The following MLLT1 variants were observed in gnomAD, a reference collection of about 807,000 sequenced individuals.
MLLT1 encodes the protein MLLT1 super elongation complex subunit, also known as protein ENL.
A neutral mutation model predicts 55.1 loss-of-function variants in MLLT1; 11 were observed. That is an observed-to-expected ratio of 0.20 (90% CI 0.13 to 0.33). MLLT1 has a LOEUF of 0.33. MLLT1 is among the 10% of genes least tolerant of loss of function. MLLT1 has a pLI of 1.00. For missense variants in MLLT1, 536 were observed against 760.6 expected (o/e 0.70, Z 3.47); for synonymous variants, 323 against 320.1 (o/e 1.01, Z -0.10).
chr19:6,244,121 G>A (rs1047845475), intron 3 of MLLT1, among the ~76,000 whole-genome samples: 11 of 149,060 alleles, frequency 7.4e-5, no homozygotes, highest in African/African-American at 1.2e-4. Flanking sequence ...CTGGGTCCCC[G>A]TGACACACTC....
Position 6,262,081 on chromosome 19 carries a change from T to C in MLLT1, c.276+147A>G. 1 of 649,670 alleles carries C rather than the reference T, an allele frequency of 1.5e-6. No individual in the cohort carries two copies. Among genetic ancestry groups the C allele is most frequent in the Non-Finnish European group, 2.7e-6 (1 of 364,214 alleles). 40.2% of individuals were successfully genotyped at this position (649,670 alleles called of 1,614,324 possible). ...CCCCCGACGTCCCCAGGAATGGAGA[T>C]GGTGACCAGCACCCCCCGCAGCACT... On this transcript the variant is annotated intron_variant, in intron 3 of 11. Transcript: ENST00000252674. This position sits in a 1 kb window ranked among gnomAD's most constrained non-coding sequence, Gnocchi z 4.4.
chr19:6,266,581 C>T (rs751967402), intron 2 of MLLT1, among the ~76,000 whole-genome samples: 14 of 152,220 alleles, frequency 9.2e-5, no homozygotes, highest in Non-Finnish European at 1.3e-4. Flanking sequence ...CTCGGCCTCC[C>T]GAGTAGCTGG....
rs371122410 is a variant in MLLT1 at position 6,216,470 on chromosome 19, G to T, written c.1242C>A (p.Ser414=). ...SMVEDLQSEE[S]DEDDSSSGEE... Reference sequence around the variant, plus strand: ...CGCCTGACGAAGAGTCGTCCTCGTCGGACTCCTCGGACTGCAGGTCCTCCA... The same window carrying T: ...CGCCTGACGAAGAGTCGTCCTCGTCTGACTCCTCGGACTGCAGGTCCTCCA... Residue 414 remains serine (S), a synonymous_variant, in exon 8 of 12, where the codon TCC becomes TCA. Transcript: ENST00000252674. 7 of 1,606,816 alleles carry T rather than the reference G, an allele frequency of 4.4e-6. No individual in the cohort carries two copies. The African/African-American group carries it at 9.4e-5, about 21-fold the overall frequency.
At chr19:6,247,856 G>C (rs1225134850) in intron 3 of MLLT1, among the ~76,000 whole-genome samples, 1 of 151,798 alleles carries the variant, frequency 6.6e-6, no homozygotes, top group Non-Finnish European at 1.5e-5. Flanking sequence ...CAGAGTTTCA[G>C]ATTTTGGAGC....
At chr19:6,216,326 AG>A (rs2090842942) in intron 8 of MLLT1, 78 bp downstream of exon 8, 1 of 1,053,862 alleles carries the variant, frequency 9.5e-7, no homozygotes, top group African/African-American at 1.6e-5. Flanking sequence ...CCCCACCTGC[AG>A]CCCCACAATC....
At chr19:6,242,177 A>G (rs1266306156) in intron 3 of MLLT1, among the ~76,000 whole-genome samples, 3 of 152,178 alleles carry the variant, frequency 2.0e-5, no homozygotes, top group Admixed American at 6.5e-5. Context: ...GGGCAGCCCA[A>G]GTGGAACCCA....
At chr19:6,223,269 A>G (rs1019273341) in intron 5 of MLLT1, among the ~76,000 whole-genome samples, 2 of 152,138 alleles carry the variant, frequency 1.3e-5, no homozygotes, top group African/African-American at 4.8e-5. Flanking sequence ...CCAACTGCTG[A>G]GCGCCCACTG....
chr19:6,229,386 C>T lies in MLLT1; in HGVS notation c.420+1184G>A, dbSNP rs1251837903. Among the ~76,000 whole-genome samples, 4 of 151,982 alleles carry T rather than the reference C, an allele frequency of 2.6e-5. No individual in the cohort carries two copies. Among genetic ancestry groups the T allele is most frequent in the African/African-American group, 4.8e-5 (2 of 41,334 alleles). ...AGACGCCTCCTTCTTCTTAGGAGAA[C>T]GACGGCCACCAAGGACCTGACCATG... is the stretch of plus-strand genomic sequence containing the variant. On this transcript the variant is annotated intron_variant, in intron 4 of 11. Coordinates refer to ENST00000252674, the MANE Select transcript of MLLT1 (RefSeq NM_005934.4). This position sits in a 1 kb window ranked among gnomAD's most constrained non-coding sequence, Gnocchi z 5.2.
intron 3 of MLLT1, among the ~76,000 whole-genome samples, chr19:6,232,580 C>T (rs2091022077): frequency 6.6e-6 from 1 of 152,198 alleles, no homozygotes; most frequent in Non-Finnish European, 1.5e-5. Context: ...AAAATTAGAT[C>T]ACGTGAACTT....
chr19:6,213,502 C>A, intron 10 of MLLT1, 94 bp from the exon 11 acceptor site: 1 of 1,208,418 alleles, frequency 8.3e-7, no homozygotes, highest in Admixed American at 1.7e-5. Flanking sequence ...TCCATCCCAG[C>A]ACAGGACAGA....
At chr19:6,239,169 C>T (rs966808305) in intron 3 of MLLT1, among the ~76,000 whole-genome samples, 3 of 152,218 alleles carry the variant, frequency 2.0e-5, no homozygotes, top group Admixed American at 1.3e-4. Context: ...TAGGCTCTCG[C>T]GTTCACCGGT....
In MLLT1 at chr19:6,226,672, G is replaced by T. The variant is rs1403051308; in HGVS notation, c.546+305C>A. 6.6e-6 allele frequency among the ~76,000 whole-genome samples: 1 copy of T among 152,164 alleles called. No homozygotes were observed. On this transcript the variant is annotated intron_variant, in intron 5 of 11. Coordinates refer to ENST00000252674, the MANE Select transcript of MLLT1 (RefSeq NM_005934.4). The surrounding 1 kb of genome is among the most constrained non-coding windows in gnomAD (Gnocchi z 6.3). ...GCCGCCCCAACAGCCTTCGGCGAAG[G>T]TCTCAGGGCTTCAGGCCGAGCAGTC...
At chr19:6,272,016 C>A (rs965894420) in intron 1 of MLLT1, among the ~76,000 whole-genome samples, 1 of 152,242 alleles carries the variant, frequency 6.6e-6, no homozygotes, top group Non-Finnish European at 1.5e-5. Flanking sequence ...CCTCCCTCTC[C>A]GTCCCCCTCT....
intron 3 of MLLT1, chr19:6,259,799 T>TAAAAAAAAAAAAAAAAAAAAAAAAA (rs60832951): frequency 1.4e-5 from 1 of 70,110 alleles, no homozygotes; most frequent in Non-Finnish European, 2.6e-5. Flanking sequence ...AAACATGACT[T>TAAAAAAAAAAAAAAAAAAAAAAAAA]AAAAAAAAAA....
At chr19:6,215,952 C>T (rs2090838913) in intron 8 of MLLT1, among the ~76,000 whole-genome samples, 1 of 152,176 alleles carries the variant, frequency 6.6e-6, no homozygotes, top group Non-Finnish European at 1.5e-5. Flanking sequence ...GCCAAAGCTG[C>T]TCCCACACTG....
intron 6 of MLLT1, among the ~76,000 whole-genome samples, chr19:6,218,955 G>C (rs2090871052): frequency 6.6e-6 from 1 of 152,132 alleles, no homozygotes; most frequent in African/African-American, 2.4e-5. Context: ...TCCCCTCCAG[G>C]GTCCTCCCTC....
In MLLT1 at chr19:6,226,678, G is replaced by A. The variant is rs2090959875; in HGVS notation, c.546+299C>T. 6.6e-6 allele frequency among the ~76,000 whole-genome samples: 1 copy of A among 152,186 alleles called. No individual in the cohort carries two copies. ...CCAACAGCCTTCGGCGAAGGTCTCA[G>A]GGCTTCAGGCCGAGCAGTCCTGGGG... is the stretch of plus-strand genomic sequence containing the variant. On this transcript the variant is annotated intron_variant, in intron 5 of 11. Transcript: ENST00000252674. The surrounding 1 kb of genome is among the most constrained non-coding windows in gnomAD (Gnocchi z 6.3).
At chr19:6,218,123 C>G (rs2090863665) in intron 6 of MLLT1, 82 bp from the exon 7 acceptor site, 1 of 1,513,288 alleles carries the variant, frequency 6.6e-7, no homozygotes, top group Non-Finnish European at 8.9e-7. Context: ...GGCCCCCTGG[C>G]AGCAGCTACG....
rs2090960416 is a variant in MLLT1, at chr19:6,226,752, C to T, written c.546+225G>A. Among the ~76,000 whole-genome samples, 1 of 152,094 alleles carries T rather than the reference C, an allele frequency of 6.6e-6. No homozygotes were observed. Among genetic ancestry groups the T allele is most frequent in the African/African-American group, 2.4e-5 (1 of 41,448 alleles). On this transcript the variant is annotated intron_variant, in intron 5 of 11. Transcript: ENST00000252674. The surrounding 1 kb of genome is among the most constrained non-coding windows in gnomAD (Gnocchi z 6.3). ...GGAGAGGACTAGGCAGGGTCTCTGG[C>T]CTCAAGATGAACAGGGCAAAGAGCC... is the stretch of plus-strand genomic sequence containing the variant.
Sources: allele counts gnomAD v4.1 joint callset (sites outside exome capture counted in the v4.1 genomes callset), GRCh38; gene constraint gnomAD v4.1.1; non-coding constraint Gnocchi (gnomAD v3.1); transcripts MANE v1.5; gene names NCBI Gene and HGNC (gene_info 2026-07-23, HGNC 2026-07-21).